Variants in TRDN observed in about 807,000 individuals in gnomAD.
TRDN encodes the protein triadin in skeletal muscle.
A neutral mutation model predicts 149.7 loss-of-function variants in TRDN; 161 were observed. That is an observed-to-expected ratio of 1.08 (90% CI 0.95 to 1.23). The LOEUF (loss-of-function observed/expected upper bound fraction) is 1.23. Ranked by LOEUF, TRDN falls within the 50% of genes most tolerant of loss-of-function variation. TRDN has a pLI of 0.00. For synonymous variants in TRDN, 294 were observed against 250.5 expected, an observed-to-expected ratio of 1.17 and a Z score of -1.64; for missense variants, 896 against 823.5, an observed-to-expected ratio of 1.09 and a Z score of -1.08.
At chr6:123,560,414 G>A (rs1461366291) in intron 2 of TRDN, among the ~76,000 whole-genome samples, 1 of 151,884 alleles carries the variant, frequency 6.6e-6, no homozygotes, top group Non-Finnish European at 1.5e-5. Context: ...ACTATGCAAG[G>A]GTCCTCCATC....
At chr6:123,565,795 C>T (rs1331547194) in intron 2 of TRDN, among the ~76,000 whole-genome samples, 2 of 152,152 alleles carry the variant, frequency 1.3e-5, no homozygotes, top group Non-Finnish European at 2.9e-5. Context: ...TGGCCAGGTG[C>T]GCGTGCAGTT....
chr6:123,265,453 CTT>C (rs940345509), intron 32 of TRDN, 115 bp from the exon 33 acceptor site: 7 of 602,316 alleles, frequency 1.2e-5, no homozygotes, highest in Admixed American at 4.1e-5. Context: ...TAAGACTAAA[CTT>C]ATATCAACAA....
chr6:123,480,249 CAAAAAA>C (rs34445508), intron 9 of TRDN, among the ~76,000 whole-genome samples: 1 of 98,430 alleles, frequency 1.0e-5, no homozygotes, highest in African/African-American at 4.2e-5. Context: ...ACTCCGTTTC[CAAAAAA>C]AAAAAAAAAA....
rs1780507509 is a variant in TRDN at position 123,352,585 on chromosome 6, A to C, written c.1323T>G (p.Ala441=). ...TTTTCTCTTCCTTCTTTCCAGGTAC[A>C]GCTGCAAAACAAAGATAAGGTTTAA... ...EEIGAVSIKK[A]VPGKKEEKTT... The change falls in exon 21 of 41, where the codon GCT becomes GCG. Residue 441 remains alanine (A), a splice_region_variant and synonymous_variant. Transcript: ENST00000334268. 1 of 1,610,220 alleles carries C rather than the reference A, an allele frequency of 6.2e-7. No homozygotes were observed. The highest frequency in any genetic ancestry group is 1.7e-5 in the Admixed American group (1 of 59,438).
chr6:123,389,133 C>T (rs1782014888), intron 13 of TRDN, among the ~76,000 whole-genome samples: 1 of 152,134 alleles, frequency 6.6e-6, no homozygotes, highest in Admixed American at 6.6e-5. Flanking sequence ...CTGGCTTCCT[C>T]TGTGCTGATA....
intron 10 of TRDN, among the ~76,000 whole-genome samples, chr6:123,449,070 A>G (rs1472212690): frequency 1.3e-5 from 2 of 152,164 alleles, no homozygotes; most frequent in African/African-American, 4.8e-5. Flanking sequence ...AATCTGAACA[A>G]CAGCCTTCAG....
intron 12 of TRDN, among the ~76,000 whole-genome samples, chr6:123,409,690 T>TAC (rs5879677): frequency 0.2 from 29,123 of 149,040 alleles, 3,578 homozygotes; most frequent in East Asian, 0.63. Flanking sequence ...TAATGTAATT[T>TAC]ACACACACAC....
At chr6:123,502,636 C>G (rs1778747896) in intron 8 of TRDN, 1 of 984,342 alleles carries the variant, frequency 1.0e-6, no homozygotes, top group Non-Finnish European at 1.2e-6. Flanking sequence ...ATTTCTTGTG[C>G]CTTATGAGGA....
intron 2 of TRDN, among the ~76,000 whole-genome samples, chr6:123,562,163 G>A (rs959185485): frequency 1.6e-4 from 24 of 151,222 alleles, no homozygotes; most frequent in African/African-American, 3.7e-4. Flanking sequence ...GCCCCTGCCC[G>A]CCAGAGAATA....
At chr6:123,337,579 C>T in intron 22 of TRDN, 40 bp downstream of exon 22, 1 of 1,024,012 alleles carries the variant, frequency 9.8e-7, no homozygotes, top group Middle Eastern at 3.3e-4. Context: ...TATATATTTC[C>T]TAATAAATTT....
rs146660304 is a variant in TRDN at position 123,568,041 on chromosome 6, G to T, written c.232+2882C>A. Among the ~76,000 whole-genome samples, 385 of 152,308 alleles carry T rather than the reference G, an allele frequency of 2.5e-3. 1 individual carries two copies. Among genetic ancestry groups the T allele is most frequent in the African/African-American group, 8.9e-3 (369 of 41,560 alleles). ...AAGTTATTTACTTCCAAGACACAAT[G>T]AGGGTATAGGCATTGGGTAAACATT... On this transcript the variant is annotated intron_variant, in intron 2 of 40. Coordinates refer to ENST00000334268, the MANE Select transcript of TRDN (RefSeq NM_006073.4).
At chr6:123,413,771 C>G (rs144032332) in intron 12 of TRDN, among the ~76,000 whole-genome samples, 1 of 152,206 alleles carries the variant, frequency 6.6e-6, no homozygotes, top group Non-Finnish European at 1.5e-5. Context: ...TTATAACAGA[C>G]ATGTCAAAAA....
intron 19 of TRDN, among the ~76,000 whole-genome samples, chr6:123,373,586 A>G (rs1238120564): frequency 1.3e-5 from 2 of 152,154 alleles, no homozygotes. Flanking sequence ...ATCCCATACT[A>G]CAAACTCAAT....
At chr6:123,281,290 C>A (rs1391728221) in intron 24 of TRDN, among the ~76,000 whole-genome samples, 2 of 152,122 alleles carry the variant, frequency 1.3e-5, no homozygotes, top group South Asian at 2.1e-4. Flanking sequence ...ATGTAAATAA[C>A]CTTTTGTTAA....
intron 1 of TRDN, among the ~76,000 whole-genome samples, chr6:123,584,987 G>A (rs1480583826): frequency 1.3e-5 from 2 of 152,040 alleles, no homozygotes; most frequent in Non-Finnish European, 1.5e-5. Context: ...GCTGTAGCAG[G>A]CAAGTGATAA....
intron 24 of TRDN, among the ~76,000 whole-genome samples, chr6:123,280,463 A>G (rs1005790227): frequency 6.6e-6 from 1 of 152,064 alleles, no homozygotes. Flanking sequence ...AACACACACA[A>G]AATAATTTTC....
intron 20 of TRDN, among the ~76,000 whole-genome samples, chr6:123,353,461 C>T (rs767492094): frequency 6.6e-6 from 1 of 151,858 alleles, no homozygotes; most frequent in Non-Finnish European, 1.5e-5. Context: ...ACAGTATCAT[C>T]TCTAAAGTAT....
At chr6:123,624,836 G>A (rs1785567546) in intron 1 of TRDN, among the ~76,000 whole-genome samples, 1 of 152,002 alleles carries the variant, frequency 6.6e-6, no homozygotes, top group Non-Finnish European at 1.5e-5. Context: ...TCAAATAATG[G>A]GAGAACACTC....
intron 23 of TRDN, among the ~76,000 whole-genome samples, chr6:123,327,291 C>T (rs1779492931): frequency 6.6e-6 from 1 of 151,960 alleles, no homozygotes; most frequent in Non-Finnish European, 1.5e-5. Flanking sequence ...TAAAAAATAA[C>T]TATATTTGGT....
Sources: allele counts gnomAD v4.1 joint callset (sites outside exome capture counted in the v4.1 genomes callset), GRCh38; gene constraint gnomAD v4.1.1; transcripts MANE v1.5; gene names NCBI Gene and HGNC (gene_info 2026-07-23, HGNC 2026-07-21).